USP42: variants seen among roughly 807,000 people sequenced by gnomAD.
USP42 encodes the protein ubiquitin carboxyl-terminal hydrolase 42.
In USP42, 23 loss-of-function variants were observed where a neutral mutation model predicts 113.0. That is an observed-to-expected ratio of 0.20 (90% CI 0.15 to 0.29). USP42 has a LOEUF of 0.29. Among genes scored for constraint, USP42 ranks in the 10% least tolerant of loss-of-function variants. The probability of loss-of-function intolerance (pLI) is 1.00; values close to 1 mark genes in which losing one functional copy is unlikely to be tolerated. For missense variants in USP42, 2,174 were observed against 1,779.8 expected, an observed-to-expected ratio of 1.22 and a Z score of -3.99; for synonymous variants, 933 against 699.0, an observed-to-expected ratio of 1.33 and a Z score of -5.28.
Position 6,149,972 on chromosome 7 carries a change from G to A in USP42, c.1776G>A (p.Val592=). 4 of 1,613,866 alleles carry A rather than the reference G, an allele frequency of 2.5e-6. No individual in the cohort carries two copies. The highest frequency in any genetic ancestry group is 1.1e-5 in the South Asian group (1 of 91,068). Residue 592 remains valine (V), a synonymous_variant, in exon 13 of 18, where the codon GTG becomes GTA. Coordinates refer to ENST00000306177, the MANE Select transcript of USP42 (RefSeq NM_032172.3). The part of the protein sequence containing the change: ...IPRSESCSQP[V]MNGKSKLNSS... The stretch of plus-strand genomic sequence containing the variant: ...GCAGTGAATCCTGCTCCCAGCCCGT[G>A]ATGAATGGCAAATCCAAGCTGAACT...
chr7:6,127,503 T>A (rs1178606275), intron 3 of USP42, among the ~76,000 whole-genome samples: 1 of 152,212 alleles, frequency 6.6e-6, no homozygotes, highest in Non-Finnish European at 1.5e-5. Context: ...TGTCTGGATG[T>A]CATTTGCTCC....
chr7:6,081,754 T>G, the USP42 span: 1 of 152,114 alleles, frequency 6.6e-6, no homozygotes, highest in African/African-American at 2.4e-5. Context: ...GGACTGCGGG[T>G]TCGCTCCGGG....
upstream of USP42, chr7:6,104,844 G>A (rs113876284): frequency 6.8e-6 from 1 of 148,064 alleles, no homozygotes; most frequent in Admixed American, 6.8e-5. Flanking sequence ...GGGCGGCGGC[G>A]CGTTCGGGCG....
chr7:6,104,381 C>G (rs771148935), upstream of USP42, among the ~76,000 whole-genome samples: 4 of 152,220 alleles, frequency 2.6e-5, no homozygotes, highest in Non-Finnish European at 4.4e-5. Context: ...GCGCCCGGCC[C>G]AGACCTTGTT....
At chr7:6,121,887 C>T (rs1046504944) in intron 3 of USP42, among the ~76,000 whole-genome samples, 7 of 152,168 alleles carry the variant, frequency 4.6e-5, no homozygotes, top group African/African-American at 1.7e-4. Flanking sequence ...TCTTGAACTC[C>T]TGGCTTCAAA....
At chr7:6,104,786 T>TCGCCGTGCTTGTTAGCTGCG (rs1779162765), upstream of USP42, 1 of 151,608 alleles carries the variant, frequency 6.6e-6, no homozygotes, top group South Asian at 2.1e-4. Flanking sequence ...CCTCCCACAC[T>TCGCCGTGCTTGTTAGCTGCG]CGCCGTGCTT....
In USP42 at chr7:6,111,122, C is replaced by T; in HGVS notation, c.-9-3C>T. On this transcript the variant is annotated splice_polypyrimidine_tract_variant and splice_region_variant and intron_variant, in intron 1 of 17. Coordinates refer to ENST00000306177, the MANE Select transcript of USP42 (RefSeq NM_032172.3). ...ACAAATACATACTTTTCATCTTTTG[C>T]AGAGTTGAACAATGACCATAGTTGA... 1.9e-6 allele frequency: 3 copies of T among 1,604,586 alleles called. No homozygotes were observed. The highest frequency in any genetic ancestry group is 1.1e-5 in the South Asian group (1 of 90,634).
chr7:6,145,725 G>A (rs6944071), intron 10 of USP42, 69 bp downstream of exon 10: 84,088 of 1,507,416 alleles, frequency 0.056, 2,820 homozygotes, highest in African/African-American at 0.12. Flanking sequence ...GCATTCTTGG[G>A]GTAGGGAGAG....
intron 3 of USP42, among the ~76,000 whole-genome samples, chr7:6,134,183 G>A (rs1781005696): frequency 6.6e-6 from 1 of 152,018 alleles, no homozygotes; most frequent in African/African-American, 2.4e-5. Flanking sequence ...GAGCCACCAG[G>A]CTCAGCCACC....
intron 11 of USP42, among the ~76,000 whole-genome samples, chr7:6,146,737 A>C (rs1458800513): frequency 5.3e-5 from 8 of 152,244 alleles, no homozygotes; most frequent in Middle Eastern, 3.4e-3. Context: ...CGGGATGATG[A>C]GTTTGCTCCG....
intron 3 of USP42, among the ~76,000 whole-genome samples, chr7:6,128,712 G>T (rs1780676047): frequency 6.6e-6 from 1 of 151,030 alleles, no homozygotes; most frequent in Non-Finnish European, 1.5e-5. Flanking sequence ...TTTGTTTTTT[G>T]TTCTGTTCTT....
intron 3 of USP42, among the ~76,000 whole-genome samples, chr7:6,126,757 T>C (rs1780569674): frequency 6.6e-6 from 1 of 152,064 alleles, no homozygotes; most frequent in African/African-American, 2.4e-5. Flanking sequence ...TTTTGGGGGA[T>C]TGTGAGTGGA....
the USP42 span, among the ~76,000 whole-genome samples, chr7:6,096,928 T>C: frequency 4.4e-5 from 4 of 91,454 alleles, no homozygotes; most frequent in African/African-American, 3.6e-4. Flanking sequence ...TCTTTCTTTC[T>C]TTTCTTTTTT....
the USP42 span, among the ~76,000 whole-genome samples, chr7:6,088,047 G>T: frequency 6.6e-6 from 1 of 150,806 alleles, no homozygotes; most frequent in East Asian, 1.9e-4. Flanking sequence ...TACCTGTAAT[G>T]CCAGCACTTT....
In USP42 at chr7:6,157,013, G is replaced by A; in HGVS notation, c.3901G>A (p.Glu1301Lys). 1 of 1,613,064 alleles carries A rather than the reference G, an allele frequency of 6.2e-7. No individual in the cohort carries two copies. Among genetic ancestry groups the A allele is most frequent in the Middle Eastern group, 1.6e-4 (1 of 6,062 alleles). Reference protein sequence around the residue: ...FREKTKHLRMESRDDRCRLFE... With the variant: ...FREKTKHLRMKSRDDRCRLFE... The stretch of plus-strand genomic sequence containing the variant: ...TGAGAAAACGAAACACTTACGGATG[G>A]AAAGCAGGGATGACAGGTGTCGTCT... The change falls in exon 16 of 18, where the codon GAA becomes AAA. Residue 1301 changes from glutamate to lysine, a missense_variant. Transcript: ENST00000306177. The surrounding 1 kb of genome is among the most constrained non-coding windows in gnomAD (Gnocchi z 4.1).
chr7:6,087,367 C>G, the USP42 span, among the ~76,000 whole-genome samples: 5 of 116,122 alleles, frequency 4.3e-5, no homozygotes, highest in African/African-American at 1.7e-4. Context: ...TTTTTTGAGA[C>G]TAAGTCTCAC....
At chr7:6,155,810 G>A (rs1782416485) in intron 15 of USP42, among the ~76,000 whole-genome samples, 1 of 152,186 alleles carries the variant, frequency 6.6e-6, no homozygotes, top group African/African-American at 2.4e-5. Flanking sequence ...GGAGTGCAGT[G>A]ATGCCATCAT....
At chr7:6,135,162 A>G (rs1463215881) in intron 3 of USP42, among the ~76,000 whole-genome samples, 3 of 152,140 alleles carry the variant, frequency 2.0e-5, no homozygotes, top group African/African-American at 7.2e-5. Flanking sequence ...GTGTGAGGGG[A>G]AAAACCTTGC....
chr7:6,143,078 G>C (rs1038516544), intron 8 of USP42, 64 bp downstream of exon 8: 2 of 1,560,050 alleles, frequency 1.3e-6, no homozygotes, highest in African/African-American at 1.4e-5. Flanking sequence ...CGGCAGGCTT[G>C]GTTTGAGAGA....
Sources: gnomAD v4.1 joint callset for allele counts (sites outside exome capture counted in the v4.1 genomes callset) on GRCh38, gnomAD v4.1.1 for gene constraint, Gnocchi (gnomAD v3.1) non-coding constraint, MANE v1.5 for transcripts, NCBI Gene and HGNC (gene_info 2026-07-23, HGNC 2026-07-21) for gene names.